EME2: variants seen among roughly 807,000 people sequenced by gnomAD.
EME2 encodes the protein structure-specific endonuclease subunit EME2.
EME2 carries 58 observed loss-of-function variants against 41.9 expected under a neutral mutation model. The observed-to-expected ratio is 1.38, with a 90% CI of 1.12 to 1.72. The LOEUF (loss-of-function observed/expected upper bound fraction) is 1.72, where lower values mean the gene tolerates loss of function less well. Ranked by LOEUF, EME2 falls within the 40% of genes most tolerant of loss-of-function variation. EME2 has a pLI of 0.00. For synonymous variants in EME2, 334 were observed against 239.3 expected (o/e 1.40, Z -3.65); for missense variants, 695 against 541.9 (o/e 1.28, Z -2.81).
rs1365975693 is a variant in EME2, at chr16:1,774,832, G to A, written c.478-209G>A. Reference sequence around the variant, plus strand: ...CTCAATGGAACTGACATGTGCCCGAGCAGCCACTCCAGGGTCTCCTTAGCC... The same window carrying A: ...CTCAATGGAACTGACATGTGCCCGAACAGCCACTCCAGGGTCTCCTTAGCC... On this transcript the variant is annotated intron_variant, in intron 3 of 7. Transcript: ENST00000568449. 7 of 632,632 alleles carry A rather than the reference G, an allele frequency of 1.1e-5. No homozygotes were observed. The East Asian group carries it at 1.6e-4, about 14-fold the overall frequency. 39.2% of individuals were successfully genotyped at this position (632,632 alleles called of 1,614,324 possible).
At position 1,777,799 on chromosome 16, in the gene EME2, G is replaced by C. The variant is rs781523478; in HGVS notation, c.*1561G>C. 1 of 1,612,778 alleles carries C rather than the reference G, an allele frequency of 6.2e-7. No individual in the cohort carries two copies. The highest frequency in any genetic ancestry group is 1.7e-5 in the Admixed American group (1 of 59,994). ...TGAGTGTGCCGTGCCAGGTGTCCAG[G>C]TGCACGCCAATGATGGAGCCCTGGC... On this transcript the variant is annotated 3_prime_UTR_variant, in exon 8 of 8. Transcript: ENST00000568449.
At position 1,780,808 on chromosome 16, in the gene EME2, C is replaced by T. The variant is rs1019975127; in HGVS notation, c.*4570C>T. 38 of 269,344 alleles carry T rather than the reference C, an allele frequency of 1.4e-4. No individual in the cohort carries two copies. The highest frequency in any genetic ancestry group is 7.4e-4 in the African/African-American group (33 of 44,716). 16.7% of individuals were successfully genotyped at this position (269,344 alleles called of 1,614,324 possible). A position where few individuals can be genotyped will look rare whatever the true frequency, so the allele number is the denominator to read the frequency against. ...AACGCACTGGTGTGATCACGGCTCACTGCAGCCTTGACCTCCCTGGCTCAA... is the reference window on the plus strand; with the variant it reads ...AACGCACTGGTGTGATCACGGCTCATTGCAGCCTTGACCTCCCTGGCTCAA... On this transcript the variant is annotated 3_prime_UTR_variant, in exon 8 of 8. Transcript: ENST00000568449.
At position 1,773,764 on chromosome 16, in the gene EME2, G is replaced by C. The variant is rs1207009155; in HGVS notation, c.307G>C (p.Glu103Gln). 6.4e-7 allele frequency: 1 copy of C among 1,551,068 alleles called. No homozygotes were observed. ...LMEALEALGC[E>Q]CRIEPQRPAR... Reference sequence around the variant, plus strand: ...GGAGGCCCTGGAGGCCCTGGGCTGCGAGTGCCGCATCGAGCCCCAGCGCCC... The same window carrying C: ...GGAGGCCCTGGAGGCCCTGGGCTGCCAGTGCCGCATCGAGCCCCAGCGCCC... Residue 103 changes from glutamate (E) to glutamine (Q), a missense_variant, in exon 2 of 8, where the codon GAG becomes CAG. By Grantham distance (29) the Glu-to-Gln change is conservative. Coordinates refer to ENST00000568449, the MANE Select transcript of EME2 (RefSeq NM_001257370.2).
rs755233857 is a variant in EME2 at position 1,773,453 on chromosome 16, C to G, written c.226C>G (p.Leu76Val). 1.9e-6 allele frequency: 3 copies of G among 1,575,984 alleles called. No homozygotes were observed. The highest frequency in any genetic ancestry group is 2.7e-5 in the African/African-American group (2 of 73,498). ...LLRPEQVLKRLAVCVDTAILE... is the reference protein window; with the variant it reads ...LLRPEQVLKRVAVCVDTAILE... ...GCGGCCGGAGCAGGTCCTGAAGCGC[C>G]TCGCGGTGTGCGTGGACACAGGTGC... The change falls in exon 1 of 8, where the codon CTC (leucine) becomes GTC (valine). Residue 76 changes from leucine (L) to valine (V), a missense_variant. Coordinates refer to ENST00000568449, the MANE Select transcript of EME2 (RefSeq NM_001257370.2).
At chr16:1,774,975 C>A in intron 3 of EME2, 66 bp from the exon 4 acceptor site, 1 of 1,288,982 alleles carries the variant, frequency 7.8e-7, no homozygotes. Context: ...CAGCTGTGGC[C>A]TGGTGGCCCA....
Position 1,781,590 on chromosome 16 carries a change from C to G in EME2, c.*5352C>G. 1 of 1,375,640 alleles carries G rather than the reference C, an allele frequency of 7.3e-7. No individual in the cohort carries two copies. The highest frequency in any genetic ancestry group is 9.9e-7 in the Non-Finnish European group (1 of 1,011,878). The allele number at this position is 1,375,640 out of a possible 1,614,324, so 85.2% of individuals were successfully genotyped here. On this transcript the variant is annotated 3_prime_UTR_variant, in exon 8 of 8. Transcript: ENST00000568449. ...GCCACGGACCCACTCAAAGTGGGGA[C>G]TGCAGGGGCCGCACCGGTGCCCAGC...
chr16:1,776,039 C>G (rs142106391), intron 7 of EME2, 29 bp from the exon 8 acceptor site: 10 of 1,604,720 alleles, frequency 6.2e-6, no homozygotes, highest in Non-Finnish European at 8.5e-6. Flanking sequence ...CGTCCCCAGG[C>G]GCCCTCTCAT....
Position 1,777,212 on chromosome 16 carries a change from C to T in EME2, c.*974C>T, listed in dbSNP as rs925616680. ...AGCCTTGCGGCGGCTGCAACTCATG[C>T]TCAGGACCCAGCCCAGCTTGTTGTG... On this transcript the variant is annotated 3_prime_UTR_variant, in exon 8 of 8. Transcript: ENST00000568449. 3 of 1,610,612 alleles carry T rather than the reference C, an allele frequency of 1.9e-6. No homozygotes were observed. Among genetic ancestry groups the T allele is most frequent in the East Asian group, 2.2e-5 (1 of 44,870 alleles).
rs2141980587 is a variant in EME2, at chr16:1,773,405, G to T, written c.178G>T (p.Ala60Ser). 6.4e-7 allele frequency: 1 copy of T among 1,563,526 alleles called. No individual in the cohort carries two copies. The highest frequency in any genetic ancestry group is 2.4e-5 in the East Asian group (1 of 42,166). ...ARDPAGERRA[A>S]AEALRLLRPE... ...GGACCCAGCGGGTGAGCGCAGGGCG[G>T]CTGCCGAGGCGTTGCGGCTGCTGCG... The change falls in exon 1 of 8, where the codon GCT (alanine) becomes TCT (serine). Residue 60 changes from alanine to serine, a missense_variant. Coordinates refer to ENST00000568449, the MANE Select transcript of EME2 (RefSeq NM_001257370.2).
At position 1,775,360 on chromosome 16, in the gene EME2, G is replaced by A. The variant is rs765979342; in HGVS notation, c.615G>A (p.Pro205=). ...GGGGGACACAGCAGCCAGAGAGCCC[G>A]AAGGTGGCCGGTGCCGAGGTGGCCG... ...VSRGTQQPES[P]KVAGAEVAVS... The change falls in exon 5 of 8, where the codon CCG becomes CCA. Residue 205 remains proline, a synonymous_variant. Transcript: ENST00000568449. The A allele has an allele frequency of 2.5e-5, 40 of 1,611,692 alleles. No individual in the cohort carries two copies. Among genetic ancestry groups the A allele is most frequent in the Admixed American group, 1.2e-4 (7 of 59,988 alleles).
At position 1,772,930 on chromosome 16, in the gene EME2, G is replaced by A. The variant is rs1273437490; in HGVS notation, c.-298G>A. On this transcript the variant is annotated 5_prime_UTR_variant, in exon 1 of 8. Transcript: ENST00000568449. ...GGGAGGCGGCCGAGCAGCTGCAAGA[G>A]GCGGCTCTCGCGGCGCACGTCGGCC... 2.8e-6 allele frequency: 4 copies of A among 1,448,024 alleles called. No homozygotes were observed. Among genetic ancestry groups the A allele is most frequent in the African/African-American group, 3.0e-5 (2 of 67,106 alleles). The allele number at this position is 1,448,024 out of a possible 1,614,324, so 89.7% of individuals were successfully genotyped here.
chr16:1,777,011 T>C lies in EME2; in HGVS notation c.*773T>C. 6.8e-7 allele frequency: 1 copy of C among 1,470,752 alleles called. No individual in the cohort carries two copies. The highest frequency in any genetic ancestry group is 9.2e-7 in the Non-Finnish European group (1 of 1,084,946). The allele number at this position is 1,470,752 out of a possible 1,614,324, so 91.1% of individuals were successfully genotyped here. A position where few individuals can be genotyped will look rare whatever the true frequency, so the allele number is the denominator to read the frequency against. On this transcript the variant is annotated 3_prime_UTR_variant, in exon 8 of 8. Coordinates refer to ENST00000568449, the MANE Select transcript of EME2 (RefSeq NM_001257370.2). ...GGCCTCATCCAACTCCGCCCTGGAGTGTGGCTGGAAGGAAGGGACAGAGAA... is the reference window on the plus strand; with the variant it reads ...GGCCTCATCCAACTCCGCCCTGGAGCGTGGCTGGAAGGAAGGGACAGAGAA...
In EME2 at chr16:1,775,088, C is replaced by T. The variant is rs141742764; in HGVS notation, c.525C>T (p.Thr175=). 2,829 of 1,611,274 alleles carry T rather than the reference C, an allele frequency of 1.8e-3. 2 individuals carry two copies. The highest frequency in any genetic ancestry group is 2.2e-3 in the Non-Finnish European group (2,581 of 1,179,978). ...TGCCCTGGATCTCCCCCGAGACCAC[C>T]GCCCGGCCCCACCTGGCTGTCATCG... is the stretch of plus-strand genomic sequence containing the variant. ...HWVPWISPET[T]ARPHLAVIGL... The change falls in exon 4 of 8, where the codon ACC becomes ACT. Residue 175 remains threonine, a synonymous_variant. Transcript: ENST00000568449.
At position 1,775,386 on chromosome 16, in the gene EME2, T is replaced by C; in HGVS notation, c.641T>C (p.Val214Ala). Residue 214 changes from valine to alanine, a missense_variant, in exon 5 of 8, where the codon GTC becomes GCC. Transcript: ENST00000568449. ...AAGGTGGCCGGTGCCGAGGTGGCCG[T>C]CAGCTGGCCGGAGGTGGAAGAGGTG... ...SPKVAGAEVA[V>A]SWPEVEEALV... 6.2e-7 allele frequency: 1 copy of C among 1,612,502 alleles called. No individual in the cohort carries two copies. The highest frequency in any genetic ancestry group is 8.5e-7 in the Non-Finnish European group (1 of 1,179,930).
chr16:1,772,956 C>A lies in EME2; in HGVS notation c.-272C>A. On this transcript the variant is annotated 5_prime_UTR_variant, in exon 1 of 8. Transcript: ENST00000568449. The stretch of plus-strand genomic sequence containing the variant: ...GCGGCTCTCGCGGCGCACGTCGGCC[C>A]AGGCCCGGACCGGCAGCCGGCGTCC... 1 of 1,449,756 alleles carries A rather than the reference C, an allele frequency of 6.9e-7. No homozygotes were observed. The highest frequency in any genetic ancestry group is 9.0e-7 in the Non-Finnish European group (1 of 1,105,574). The allele number at this position is 1,449,756 out of a possible 1,614,324, so 89.8% of individuals were successfully genotyped here. A position where few individuals can be genotyped will look rare whatever the true frequency, so the allele number is the denominator to read the frequency against.
chr16:1,773,580 C>T (rs1168772349), intron 1 of EME2, 106 bp downstream of exon 1: 3 of 1,517,890 alleles, frequency 2.0e-6, no homozygotes, highest in Admixed American at 2.1e-5. Context: ...GGGCCTGGGG[C>T]CGGGCCCGCC....
Position 1,779,106 on chromosome 16 carries a change from C to A in EME2, c.*2868C>A. On this transcript the variant is annotated 3_prime_UTR_variant, in exon 8 of 8. Coordinates refer to ENST00000568449, the MANE Select transcript of EME2 (RefSeq NM_001257370.2). ...ACCACAGGGTCCTACTGCCCAGTGC[C>A]CACTACAGGCCCCGCCCCTCCTGGT... The A allele has an allele frequency of 6.4e-6, 1 of 155,224 alleles. No individual in the cohort carries two copies. Among genetic ancestry groups the A allele is most frequent in the Non-Finnish European group, 1.4e-5 (1 of 70,118 alleles). The allele number at this position is 155,224 out of a possible 1,614,324, so 9.6% of individuals were successfully genotyped here. A position where few individuals can be genotyped will look rare whatever the true frequency, so the allele number is the denominator to read the frequency against.
Position 1,776,290 on chromosome 16 carries a change from C to A in EME2, c.*52C>A, listed in dbSNP as rs758081444. 2.5e-6 allele frequency: 4 copies of A among 1,583,730 alleles called. No individual in the cohort carries two copies. The highest frequency in any genetic ancestry group is 2.2e-5 in the East Asian group (1 of 44,534). ...TGCAGCCTTGGGGACAGACCAGACACCCTGGGCGGTGGGGGAGGACCCCCA... is the reference window on the plus strand; with the variant it reads ...TGCAGCCTTGGGGACAGACCAGACAACCTGGGCGGTGGGGGAGGACCCCCA... On this transcript the variant is annotated 3_prime_UTR_variant, in exon 8 of 8. Transcript: ENST00000568449.
At position 1,778,044 on chromosome 16, in the gene EME2, A is replaced by G; in HGVS notation, c.*1806A>G. 1 of 1,613,128 alleles carries G rather than the reference A, an allele frequency of 6.2e-7. No homozygotes were observed. Among genetic ancestry groups the G allele is most frequent in the Non-Finnish European group, 8.5e-7 (1 of 1,179,972 alleles). ...GTCCACATCCGACGTCCCGATGCCCACCATCTAGGAACAGGGGCCAGGCAG... is the reference window on the plus strand; with the variant it reads ...GTCCACATCCGACGTCCCGATGCCCGCCATCTAGGAACAGGGGCCAGGCAG... On this transcript the variant is annotated 3_prime_UTR_variant, in exon 8 of 8. Coordinates refer to ENST00000568449, the MANE Select transcript of EME2 (RefSeq NM_001257370.2).
Sources: allele counts gnomAD v4.1 joint callset, GRCh38; gene constraint gnomAD v4.1.1; transcripts MANE v1.5; gene names NCBI Gene and HGNC (gene_info 2026-07-23, HGNC 2026-07-21).